The following SNAP25 variants were observed in gnomAD, a reference collection of about 807,000 sequenced individuals.
SNAP25 encodes the protein synaptosomal-associated protein 25.
SNAP25 carries 3 observed loss-of-function variants against 28.7 expected under a neutral mutation model. The observed-to-expected ratio is 0.10, with a 90% CI of 0.05 to 0.27. The LOEUF (loss-of-function observed/expected upper bound fraction) is 0.27. SNAP25 is among the 10% of genes least tolerant of loss of function. The pLI, the probability that SNAP25 is intolerant of heterozygous loss-of-function variation, is 1.00. For missense variants in SNAP25, 117 were observed against 278.7 expected, an observed-to-expected ratio of 0.42 and a Z score of 4.13; for synonymous variants, 61 against 88.1, an observed-to-expected ratio of 0.69 and a Z score of 1.72.
chr20:10,263,009 CTTTTTTTTTTTTTTTT>C (rs57690835), intron 1 of SNAP25, among the ~76,000 whole-genome samples: 1 of 50,634 alleles, frequency 2.0e-5, no homozygotes, highest in African/African-American at 7.8e-5. Flanking sequence ...CTGGGGTGCT[CTTTTTTTTTTTTTTTT>C]TTTTTTTTTT....
rs1568634670 is a variant in SNAP25, at chr20:10,306,116, C to T, written c.553-13C>T. On this transcript the variant is annotated splice_polypyrimidine_tract_variant and intron_variant, in intron 7 of 7. Transcript: ENST00000254976. ...GGGTAACCTGAGTTCTGTTTCTTTTCCCCCTTTTCTAGGCTGATTCCAACA... is the reference window on the plus strand; with the variant it reads ...GGGTAACCTGAGTTCTGTTTCTTTTTCCCCTTTTCTAGGCTGATTCCAACA... The T allele has an allele frequency of 1.2e-6, 2 of 1,612,842 alleles. No individual in the cohort carries two copies. Among genetic ancestry groups the T allele is most frequent in the South Asian group, 1.1e-5 (1 of 91,018 alleles).
At chr20:10,285,090 T>G (rs892413717) in intron 4 of SNAP25, among the ~76,000 whole-genome samples, 1 of 152,212 alleles carries the variant, frequency 6.6e-6, no homozygotes, top group African/African-American at 2.4e-5. Context: ...ATTTTCTTAT[T>G]ATCTTTGCCC....
Position 10,293,360 on chromosome 20 carries a change from A to C in SNAP25, c.281+82A>C. 1.1e-5 allele frequency: 11 copies of C among 1,019,258 alleles called. No homozygotes were observed. Among genetic ancestry groups the C allele is most frequent in the East Asian group, 2.4e-5 (1 of 42,166 alleles). The allele number at this position is 1,019,258 out of a possible 1,614,324, so 63.1% of individuals were successfully genotyped here. ...TGACAAGCTCATTCCTGCCAAGCTCATAGGCAGGATGAGCATGTGGCATGC... is the reference window on the plus strand; with the variant it reads ...TGACAAGCTCATTCCTGCCAAGCTCCTAGGCAGGATGAGCATGTGGCATGC... On this transcript the variant is annotated intron_variant, in intron 5 of 7. Transcript: ENST00000254976. The surrounding 1 kb of genome is among the most constrained non-coding windows in gnomAD (Gnocchi z 5.6).
chr20:10,254,275 C>T (rs954430569), intron 1 of SNAP25, among the ~76,000 whole-genome samples: 2 of 152,190 alleles, frequency 1.3e-5, no homozygotes, highest in Non-Finnish European at 2.9e-5. Flanking sequence ...CATAGAAGTG[C>T]GCAAAGCCCA....
At position 10,275,551 on chromosome 20, in the gene SNAP25, G is replaced by A. The variant is rs895201209; in HGVS notation, c.60G>A (p.Gln20=). The change falls in exon 2 of 8, where the codon CAG becomes CAA. Residue 20 remains glutamine (Q), a synonymous_variant. Transcript: ENST00000254976. ...AGGAGATGCAGCGAAGGGCTGACCAGTTGGCTGATGAGGTAAGGAGTGGAG... is the reference window on the plus strand; with the variant it reads ...AGGAGATGCAGCGAAGGGCTGACCAATTGGCTGATGAGGTAAGGAGTGGAG... ...ELEEMQRRAD[Q]LADESLESTR... The A allele has an allele frequency of 1.8e-5, 28 of 1,599,632 alleles. No homozygotes were observed. Among genetic ancestry groups the A allele is most frequent in the Non-Finnish European group, 2.1e-5 (25 of 1,172,086 alleles).
chr20:10,272,615 T>A (rs2063615131), intron 1 of SNAP25, among the ~76,000 whole-genome samples: 1 of 152,232 alleles, frequency 6.6e-6, no homozygotes, highest in African/African-American at 2.4e-5. Context: ...TAAAGTCTCA[T>A]GTATTTAAAT....
chr20:10,263,104 C>T (rs1187163829), intron 1 of SNAP25, among the ~76,000 whole-genome samples: 5 of 146,208 alleles, frequency 3.4e-5, no homozygotes, highest in Non-Finnish European at 6.0e-5. Context: ...CTGCAAGCTC[C>T]GCCTCCCAGC....
At chr20:10,290,054 T>A (rs2063964762) in intron 4 of SNAP25, among the ~76,000 whole-genome samples, 1 of 151,860 alleles carries the variant, frequency 6.6e-6, no homozygotes, top group Admixed American at 6.6e-5. Flanking sequence ...GAAAACAAGC[T>A]TAGGGAGATC....
At position 10,307,196 on chromosome 20, in the gene SNAP25, ATTCTTTG is replaced by A. The variant is rs1458608151; in HGVS notation, c.*1002_*1008del. The A allele has an allele frequency of 6.6e-6, 1 of 152,616 alleles. No individual in the cohort carries two copies. The highest frequency in any genetic ancestry group is 1.9e-4 in the East Asian group (1 of 5,198). The allele number at this position is 152,616 out of a possible 1,614,324, so 9.5% of individuals were successfully genotyped here. A position where few individuals can be genotyped will look rare whatever the true frequency, so the allele number is the denominator to read the frequency against. ...TCCCCTGTGGTTTGTTATCAGTACA[ATTCTTTG>A]TTGCTTAATCTAGAGCTATGCACAC... is the stretch of plus-strand genomic sequence containing the variant. On this transcript the variant is annotated 3_prime_UTR_variant, in exon 8 of 8. Coordinates refer to ENST00000254976, the MANE Select transcript of SNAP25 (RefSeq NM_130811.4).
chr20:10,282,324 C>T (rs999076869), intron 3 of SNAP25, among the ~76,000 whole-genome samples: 4 of 152,170 alleles, frequency 2.6e-5, no homozygotes, highest in Non-Finnish European at 5.9e-5. Flanking sequence ...TTATCTTAAA[C>T]GTGGAGAAAC....
intron 4 of SNAP25, chr20:10,292,924 A>G (rs1251551339): frequency 6.2e-7 from 1 of 1,613,470 alleles, no homozygotes; most frequent in Admixed American, 1.7e-5. Context: ...CATATCAACC[A>G]AGACATGAAG....
intron 1 of SNAP25, among the ~76,000 whole-genome samples, chr20:10,235,069 C>T (rs946510026): frequency 2.0e-5 from 3 of 151,246 alleles, no homozygotes; most frequent in African/African-American, 7.3e-5. Flanking sequence ...CCTGTCTCTG[C>T]AGAAATAAAG....
intron 2 of SNAP25, 98 bp from the exon 3 acceptor site, chr20:10,277,587 C>G: frequency 1.0e-6 from 1 of 999,286 alleles, no homozygotes; most frequent in Non-Finnish European, 1.5e-6. Flanking sequence ...TGACAGAGAC[C>G]CTTTGTGTTT....
intron 1 of SNAP25, among the ~76,000 whole-genome samples, chr20:10,221,331 G>C (rs1043512607): frequency 1.3e-4 from 20 of 152,078 alleles, no homozygotes; most frequent in African/African-American, 4.8e-4. Flanking sequence ...TGCACAATTA[G>C]AAAGCTAATT....
At chr20:10,304,178 T>C (rs906666202) in intron 7 of SNAP25, among the ~76,000 whole-genome samples, 5 of 152,346 alleles carry the variant, frequency 3.3e-5, no homozygotes, top group African/African-American at 1.2e-4. Context: ...TCTCCATTTA[T>C]TAGTACTAAG....
At chr20:10,254,734 A>G (rs1467610195) in intron 1 of SNAP25, among the ~76,000 whole-genome samples, 2 of 152,210 alleles carry the variant, frequency 1.3e-5, no homozygotes, top group Non-Finnish European at 2.9e-5. Flanking sequence ...AGAAAACAGC[A>G]ATTCAAATCC....
chr20:10,303,156 G>A (rs1413360847), intron 7 of SNAP25, among the ~76,000 whole-genome samples: 2 of 152,126 alleles, frequency 1.3e-5, no homozygotes, highest in African/African-American at 2.4e-5. Context: ...ACATTGCTCT[G>A]ATCCTGTAAC....
At chr20:10,278,999 G>A (rs950693019) in intron 3 of SNAP25, among the ~76,000 whole-genome samples, 1 of 152,144 alleles carries the variant, frequency 6.6e-6, no homozygotes, top group Non-Finnish European at 1.5e-5. Flanking sequence ...AGCCTGCAAT[G>A]TGGCACAAAC....
At chr20:10,299,464 C>T in intron 7 of SNAP25, 52 bp downstream of exon 7, 3 of 1,568,348 alleles carry the variant, frequency 1.9e-6, no homozygotes, top group Non-Finnish European at 2.6e-6. Context: ...TCTGAAATGA[C>T]CAACAGGAAG....
Sources: allele counts gnomAD v4.1 joint callset (sites outside exome capture counted in the v4.1 genomes callset), GRCh38; gene constraint gnomAD v4.1.1; non-coding constraint Gnocchi (gnomAD v3.1); transcripts MANE v1.5; gene names NCBI Gene and HGNC (gene_info 2026-07-23, HGNC 2026-07-21).